HMCN1: variants seen among roughly 807,000 people sequenced by gnomAD.
HMCN1 encodes the protein hemicentin 1.
In HMCN1, 321 loss-of-function variants were observed where a neutral mutation model predicts 625.9. That is an observed-to-expected ratio of 0.51 (90% CI 0.47 to 0.56). The LOEUF is 0.56. Among genes scored for constraint, HMCN1 ranks in the 20% least tolerant of loss-of-function variants. HMCN1 has a pLI of 0.00. For missense variants in HMCN1, 6,588 were observed against 6,887.3 expected (o/e 0.96, Z 1.54); for synonymous variants, 2,425 against 2,417.6 (o/e 1.00, Z -0.09).
In HMCN1 at chr1:186,015,302, T is replaced by C; in HGVS notation, c.4774T>C (p.Ser1592Pro). ...YKDGQPIMSSSQALYIDKGQY... is the reference protein window; with the variant it reads ...YKDGQPIMSSPQALYIDKGQY... The stretch of plus-strand genomic sequence containing the variant: ...GGACGGGCAGCCAATCATGTCCAGC[T>C]CACAAGCACTTTATATTGATAAAGG... The change falls in exon 31 of 107, where the codon TCA (serine) becomes CCA (proline). Residue 1592 changes from serine (S) to proline (P), a missense_variant. Physicochemically the swap from Ser to Pro is moderately conservative, Grantham distance 74. Coordinates refer to ENST00000271588, the MANE Select transcript of HMCN1 (RefSeq NM_031935.3). 1 of 1,613,764 alleles carries C rather than the reference T, an allele frequency of 6.2e-7. No individual in the cohort carries two copies. Among genetic ancestry groups the C allele is most frequent in the Non-Finnish European group, 8.5e-7 (1 of 1,179,808 alleles).
chr1:186,088,411 T>A, intron 62 of HMCN1, 135 bp downstream of exon 62: 1 of 1,428,926 alleles, frequency 7.0e-7, no homozygotes, highest in African/African-American at 1.4e-5. Context: ...CGCACTGAAA[T>A]ACAGATTTAC....
chr1:185,927,159 T>C (rs1285902818), intron 9 of HMCN1, among the ~76,000 whole-genome samples: 1 of 152,178 alleles, frequency 6.6e-6, no homozygotes, highest in Non-Finnish European at 1.5e-5. Flanking sequence ...CATCAATCTG[T>C]TTTTGATGAA....
intron 106 of HMCN1, 27 bp downstream of exon 106, chr1:186,188,036 A>G (rs755175279): frequency 4.2e-5 from 67 of 1,613,428 alleles, no homozygotes; most frequent in Non-Finnish European, 4.7e-5. Flanking sequence ...CATCCCAGAC[A>G]TGCTTTTGAA....
intron 66 of HMCN1, among the ~76,000 whole-genome samples, 192 bp downstream of exon 66, chr1:186,093,861 C>T (rs1659981594): frequency 1.3e-5 from 2 of 151,908 alleles, no homozygotes; most frequent in Admixed American, 6.6e-5. Flanking sequence ...TATTTAAGTG[C>T]TTTCATTTTT....
At chr1:185,747,173 A>G (rs1295263256) in intron 1 of HMCN1, among the ~76,000 whole-genome samples, 1 of 152,088 alleles carries the variant, frequency 6.6e-6, no homozygotes, top group Non-Finnish European at 1.5e-5. Context: ...TGATCAAAAT[A>G]TTTGCATTAG....
intron 82 of HMCN1, among the ~76,000 whole-genome samples, chr1:186,126,219 A>C (rs1661635836): frequency 6.6e-6 from 1 of 151,652 alleles, no homozygotes; most frequent in African/African-American, 2.4e-5. Context: ...TCTCAATGCA[A>C]TCAGAAGCAG....
rs1558264103 is a variant in HMCN1 at position 186,153,809 on chromosome 1, G to T, written c.15078G>T (p.Arg5026=). The change falls in exon 97 of 107, where the codon CGG becomes CGT. Residue 5026 remains arginine, a synonymous_variant. Transcript: ENST00000271588. ...GGCAGCTGTACGCCTACTCAACCCG[G>T]CTGTTCACCATTGATGGCATCAGCA... ...GPGQLYAYST[R]LFTIDGISIP... The T allele has an allele frequency of 1.2e-6, 2 of 1,614,074 alleles. No homozygotes were observed. The highest frequency in any genetic ancestry group is 2.2e-5 in the East Asian group (1 of 44,882).
At chr1:186,152,605 A>C in intron 95 of HMCN1, 145 bp from the exon 96 acceptor site, 1 of 902,870 alleles carries the variant, frequency 1.1e-6, no homozygotes, top group Non-Finnish European at 1.8e-6. Context: ...TTGGGAGGTT[A>C]AGTGCTATTT....
At chr1:186,022,384 G>A (rs777780912) in intron 35 of HMCN1, among the ~76,000 whole-genome samples, 1 of 152,200 alleles carries the variant, frequency 6.6e-6, no homozygotes, top group Non-Finnish European at 1.5e-5. Context: ...TCAAGGAGTT[G>A]GTAGTCAACC....
intron 60 of HMCN1, 47 bp from the exon 61 acceptor site, chr1:186,087,885 C>A: frequency 2.7e-6 from 4 of 1,500,572 alleles, no homozygotes; most frequent in South Asian, 2.3e-5. Flanking sequence ...TATGATTGGT[C>A]ATCTATAACT....
intron 1 of HMCN1, among the ~76,000 whole-genome samples, chr1:185,806,323 T>C (rs1659164712): frequency 6.6e-6 from 1 of 152,070 alleles, no homozygotes; most frequent in African/African-American, 2.4e-5. Context: ...CTCCTTCCAA[T>C]ATGTAGGGAG....
intron 1 of HMCN1, among the ~76,000 whole-genome samples, chr1:185,772,991 C>T (rs887048255): frequency 6.6e-6 from 1 of 152,088 alleles, no homozygotes; most frequent in African/African-American, 2.4e-5. Context: ...TAAATACCTC[C>T]CCAAAAGCCC....
Position 186,095,511 on chromosome 1 carries a change from C to T in HMCN1, c.10563C>T (p.Leu3521=), listed in dbSNP as rs201788410. The change falls in exon 68 of 107, where the codon CTC becomes CTT. Residue 3521 remains leucine (L), a synonymous_variant. Coordinates refer to ENST00000271588, the MANE Select transcript of HMCN1 (RefSeq NM_031935.3). Reference sequence around the variant, plus strand: ...GAGAAGTCAGCAAGCACTTTATCCTCAAGGTCCTAGGTATGTAAACATTGT... The same window carrying T: ...GAGAAGTCAGCAAGCACTTTATCCTTAAGGTCCTAGGTATGTAAACATTGT... ...EAGEVSKHFI[L]KVLEPPHING... The T allele has an allele frequency of 3.1e-6, 5 of 1,613,502 alleles. No individual in the cohort carries two copies. In the South Asian group the frequency reaches 4.4e-5, roughly 14 times the overall value.
intron 14 of HMCN1, among the ~76,000 whole-genome samples, chr1:185,969,478 A>T (rs1650650191): frequency 6.6e-6 from 1 of 152,030 alleles, no homozygotes; most frequent in South Asian, 2.1e-4. Flanking sequence ...TCTCCTAGAG[A>T]ATTTTAGTAC....
At position 186,129,971 on chromosome 1, in the gene HMCN1, T is replaced by C. The variant is rs751204283; in HGVS notation, c.12910T>C (p.Phe4304Leu). The change falls in exon 84 of 107, where the codon TTT becomes CTT. Residue 4304 changes from phenylalanine to leucine, a missense_variant. By Grantham distance (22) the Phe-to-Leu change is conservative. Coordinates refer to ENST00000271588, the MANE Select transcript of HMCN1 (RefSeq NM_031935.3). ...TTGTTTCTTGTTTCCCTCAGCCCAC[T>C]TTGACAGTGTGAATGGACACAGTGA... ...TFNNNIIPAH[F>L]DSVNGHSELV... 1 of 1,612,722 alleles carries C rather than the reference T, an allele frequency of 6.2e-7. No homozygotes were observed. The highest frequency in any genetic ancestry group is 8.5e-7 in the Non-Finnish European group (1 of 1,179,128).
intron 80 of HMCN1, 53 bp downstream of exon 80, chr1:186,120,198 C>T (rs1193025926): frequency 6.4e-7 from 1 of 1,567,522 alleles, no homozygotes; most frequent in African/African-American, 1.4e-5. Context: ...GTAACAATGT[C>T]TACCAAATAT....
At chr1:186,144,819 TC>T (rs1159460839) in intron 91 of HMCN1, 116 bp downstream of exon 91, 3 of 1,232,190 alleles carry the variant, frequency 2.4e-6, no homozygotes, top group Non-Finnish European at 3.5e-6. Context: ...GTTTAGGATG[TC>T]AGAATGTTGT....
chr1:186,039,780 C>A lies in HMCN1; in HGVS notation c.6081C>A (p.Asn2027Lys). The A allele has an allele frequency of 6.2e-7, 1 of 1,613,380 alleles. No homozygotes were observed. Residue 2027 changes from asparagine to lysine, a missense_variant, in exon 39 of 107, where the codon AAC becomes AAA. Physicochemically the swap from Asn to Lys is moderately conservative, Grantham distance 94 (BLOSUM62 0). Transcript: ENST00000271588. ...SNNMVAVVVN[N>K]PVRLECEARG... ...ACATGGTGGCAGTGGTGGTTAATAACCCGGTGAGGTTAGAATGTGAAGCCA... is the reference window on the plus strand; with the variant it reads ...ACATGGTGGCAGTGGTGGTTAATAAACCGGTGAGGTTAGAATGTGAAGCCA...
intron 11 of HMCN1, 79 bp downstream of exon 11, chr1:185,933,903 T>G: frequency 8.3e-7 from 1 of 1,210,634 alleles, no homozygotes; most frequent in Non-Finnish European, 1.2e-6. Context: ...CCAAGTTGGC[T>G]ATCTGAGAGT....
Sources: gnomAD v4.1 joint callset for allele counts (sites outside exome capture counted in the v4.1 genomes callset) on GRCh38, gnomAD v4.1.1 for gene constraint, MANE v1.5 for transcripts, NCBI Gene and HGNC (gene_info 2026-07-23, HGNC 2026-07-21) for gene names.